The following DUOX2 variants were observed in gnomAD, a reference collection of about 807,000 sequenced individuals.
DUOX2 encodes dual oxidase 2, also known as NADH/NADPH thyroid oxidase p138-tox.
DUOX2 carries 185 observed loss-of-function variants against 183.3 expected under a neutral mutation model. The observed-to-expected ratio is 1.01, with a 90% CI of 0.90 to 1.14. The LOEUF is 1.14. Among genes scored for constraint, DUOX2 ranks in the 50% most tolerant of loss-of-function variants. DUOX2 has a pLI of 0.00. For missense variants in DUOX2, 1,999 were observed against 2,022.9 expected, an observed-to-expected ratio of 0.99 and a Z score of 0.23; for synonymous variants, 788 against 812.4, an observed-to-expected ratio of 0.97 and a Z score of 0.51.
intron 27 of DUOX2, 118 bp from the exon 28 acceptor site, chr15:45,097,859 G>A: frequency 6.3e-7 from 1 of 1,579,974 alleles, no homozygotes; most frequent in Non-Finnish European, 8.7e-7. Flanking sequence ...GGGGCCCCCA[G>A]AAAAGCCTGC....
At chr15:45,096,341 AC>A (rs1314912850) in intron 29 of DUOX2, among the ~76,000 whole-genome samples, 1 of 151,826 alleles carries the variant, frequency 6.6e-6, no homozygotes, top group East Asian at 1.9e-4. Flanking sequence ...TTGAATACCA[AC>A]CTGCTGGGTA....
rs140807172 is a variant in DUOX2, at chr15:45,100,087, C to A, written c.3147G>T (p.Ser1049=). 27 of 1,614,094 alleles carry A rather than the reference C, an allele frequency of 1.7e-5. No homozygotes were observed. The highest frequency in any genetic ancestry group is 2.1e-5 in the Non-Finnish European group (25 of 1,180,046). Residue 1049 remains serine, a synonymous_variant, in exon 24 of 34, where the codon TCG becomes TCT. Transcript: ENST00000389039. Reference sequence around the variant, plus strand: ...CTGCAAACACGCCAACACAGATGGCCGAGAAGATTGCCACACACACGATGT... The same window carrying A: ...CTGCAAACACGCCAACACAGATGGCAGAGAAGATTGCCACACACACGATGT... The part of the protein sequence containing the change: ...RRHIVCVAIF[S]AICVGVFADR...
chr15:45,110,910 T>C (rs570520148), intron 7 of DUOX2, among the ~76,000 whole-genome samples, 200 bp from the exon 8 acceptor site: 1 of 150,010 alleles, frequency 6.7e-6, no homozygotes, highest in Non-Finnish European at 1.5e-5. Flanking sequence ...GGGGAGGTGA[T>C]AAATAATCAT....
intron 11 of DUOX2, 120 bp downstream of exon 11, chr15:45,109,404 G>A: frequency 1.2e-6 from 1 of 822,420 alleles, no homozygotes; most frequent in Non-Finnish European, 2.1e-6. Context: ...GCTCCTTGAA[G>A]TCTGTGTTTG....
chr15:45,110,017 G>A (rs1169505810), intron 9 of DUOX2, 37 bp from the exon 10 acceptor site: 1 of 1,599,502 alleles, frequency 6.3e-7, no homozygotes, highest in African/African-American at 1.3e-5. Flanking sequence ...GAGGGAATTT[G>A]GAGAAGAATC....
Position 45,094,278 on chromosome 15 carries a change from A to G in DUOX2, c.4525-6T>C, listed in dbSNP as rs879229122. Reference sequence around the variant, plus strand: ...AACACCCCGATCTTGCGCACCTGTCAGGAGATTGGAGAGAGAGAGGGGCCT... The same window carrying G: ...AACACCCCGATCTTGCGCACCTGTCGGGAGATTGGAGAGAGAGAGGGGCCT... On this transcript the variant is annotated splice_region_variant and splice_polypyrimidine_tract_variant and intron_variant, in intron 33 of 33. Coordinates refer to ENST00000389039, the MANE Select transcript of DUOX2 (RefSeq NM_001363711.2). The G allele has an allele frequency of 6.2e-7, 1 of 1,613,986 alleles. No homozygotes were observed. Among genetic ancestry groups the G allele is most frequent in the Non-Finnish European group, 8.5e-7 (1 of 1,180,010 alleles).
chr15:45,095,717 T>C, intron 30 of DUOX2, 111 bp downstream of exon 30: 1 of 1,545,144 alleles, frequency 6.5e-7, no homozygotes, highest in Non-Finnish European at 8.9e-7. Flanking sequence ...ACCCCGGTCC[T>C]CTCCCAGGCT....
intron 12 of DUOX2, 179 bp from the exon 13 acceptor site, chr15:45,108,401 C>T (rs1049937476): frequency 1.8e-5 from 13 of 740,508 alleles, no homozygotes; most frequent in East Asian, 2.7e-5. Flanking sequence ...CAGTGTGTCC[C>T]TACCCACGGT....
Position 45,110,657 on chromosome 15 carries a change from C to G in DUOX2, c.936G>C (p.Glu312Asp), listed in dbSNP as rs1337550157. Residue 312 changes from glutamate (E) to aspartate (D), a missense_variant, in exon 8 of 34, where the codon GAG (glutamate) becomes GAC (aspartate). This residue lies in a region of DUOX2 where 1,628 missense variants were observed against 1,608.6 expected (regional missense o/e 1.01). Coordinates refer to ENST00000389039, the MANE Select transcript of DUOX2 (RefSeq NM_001363711.2). ...LPSFLQKTLP[E>D]YTGYRPFLDP... The stretch of plus-strand genomic sequence containing the variant: ...CCTTCCCCGCTCCCTCACCTGTATA[C>G]TCCGGGAGTGTTTTCTGCAGGAAGC... The G allele has an allele frequency of 1.2e-6, 2 of 1,612,884 alleles. No individual in the cohort carries two copies. Among genetic ancestry groups the G allele is most frequent in the East Asian group, 2.2e-5 (1 of 44,880 alleles).
Position 45,113,030 on chromosome 15 carries a change from G to T in DUOX2, c.117C>A (p.Asp39Glu), listed in dbSNP as rs776785213. The change falls in exon 3 of 34, where the codon GAC (aspartate) becomes GAA (glutamate). Residue 39 changes from aspartate to glutamate, a missense_variant. Transcript: ENST00000389039. ...GGTGCCTCAGGTTGTTAAACCAGCCGTCATAGCGCTGCACTTCCCAGGGCA... is the reference window on the plus strand; with the variant it reads ...GGTGCCTCAGGTTGTTAAACCAGCCTTCATAGCGCTGCACTTCCCAGGGCA... The part of the protein sequence containing the change: ...LSLPWEVQRY[D>E]GWFNNLRHHE... 5 of 1,614,000 alleles carry T rather than the reference G, an allele frequency of 3.1e-6. No individual in the cohort carries two copies. The South Asian group carries it at 4.4e-5, about 14-fold the overall frequency.
At chr15:45,103,029 T>G (rs1006575311) in intron 20 of DUOX2, among the ~76,000 whole-genome samples, 1 of 152,126 alleles carries the variant, frequency 6.6e-6, no homozygotes, top group Non-Finnish European at 1.5e-5. Context: ...ACTCAGCCCT[T>G]GGAGGCAGGG....
intron 26 of DUOX2, 110 bp from the exon 27 acceptor site, chr15:45,098,168 G>T: frequency 9.4e-7 from 1 of 1,064,566 alleles, no homozygotes; most frequent in Non-Finnish European, 1.4e-6. Flanking sequence ...AGGGTATGGG[G>T]CCTCCACCCA....
chr15:45,107,411 C>G lies in DUOX2; in HGVS notation c.1627G>C (p.Val543Leu). 1 of 1,614,222 alleles carries G rather than the reference C, an allele frequency of 6.2e-7. No individual in the cohort carries two copies. The highest frequency in any genetic ancestry group is 8.5e-7 in the Non-Finnish European group (1 of 1,180,048). The change falls in exon 14 of 34, where the codon GTG (valine) becomes CTG (leucine). Residue 543 changes from valine to leucine, a missense_variant. Transcript: ENST00000389039. ...EDIRNTTLRD[V>L]LVAVINIDPS... ...TCAATGTTGATAACAGCGACCAGCA[C>G]GTCCCGCAGGGTGGTATTTCGGATG... is the stretch of plus-strand genomic sequence containing the variant.
In DUOX2 at chr15:45,114,031, C is replaced by T. The variant is rs1410242119; in HGVS notation, c.-73G>A. 5.1e-6 allele frequency: 1 copy of T among 197,378 alleles called. No homozygotes were observed. Among genetic ancestry groups the T allele is most frequent in the East Asian group, 1.2e-4 (1 of 8,184 alleles). The allele number at this position is 197,378 out of a possible 1,614,324, so 12.2% of individuals were successfully genotyped here. A position where few individuals can be genotyped will look rare whatever the true frequency, so the allele number is the denominator to read the frequency against. ...TTCTTTCCTCTTAAAATCTTTGCTT[C>T]TGTGCTCTACTTCTTGCCTTCACCC... On this transcript the variant is annotated 5_prime_UTR_variant, in exon 1 of 34. Coordinates refer to ENST00000389039, the MANE Select transcript of DUOX2 (RefSeq NM_001363711.2).
At chr15:45,110,605 C>T (rs768811200) in intron 8 of DUOX2, 45 bp downstream of exon 8, 1 of 1,613,742 alleles carries the variant, frequency 6.2e-7, no homozygotes, top group South Asian at 1.1e-5. Context: ...GTCTCCTTCC[C>T]CTCAGGATTC....
rs771547142 is a variant in DUOX2 at position 45,100,256 on chromosome 15, T to A, written c.3006-28A>T. 11 of 1,607,360 alleles carry A rather than the reference T, an allele frequency of 6.8e-6. No homozygotes were observed. In the Admixed American group the frequency reaches 1.8e-4, roughly 27 times the overall value. Reference sequence around the variant, plus strand: ...ATAGCAAGGGGAGGCAGGGCAGCAGTGTGGTAAGGGCCCTCTGGCCTTCCC... The same window carrying A: ...ATAGCAAGGGGAGGCAGGGCAGCAGAGTGGTAAGGGCCCTCTGGCCTTCCC... On this transcript the variant is annotated intron_variant, in intron 23 of 33. Transcript: ENST00000389039.
In DUOX2 at chr15:45,099,813, G is replaced by T; in HGVS notation, c.3264C>A (p.Ala1088=). 1 of 1,614,214 alleles carries T rather than the reference G, an allele frequency of 6.2e-7. No homozygotes were observed. Among genetic ancestry groups the T allele is most frequent in the Non-Finnish European group, 8.5e-7 (1 of 1,180,050 alleles). ...VGIILSRGTA[A]SVSFMFSYIL... Reference sequence around the variant, plus strand: ...TATAAGAGAACATGAAGGAGACGCTGGCCGCCGTGCCTCGTGACAGGATGA... The same window carrying T: ...TATAAGAGAACATGAAGGAGACGCTTGCCGCCGTGCCTCGTGACAGGATGA... The change falls in exon 25 of 34, where the codon GCC becomes GCA. Residue 1088 remains alanine, a synonymous_variant. Transcript: ENST00000389039.
At chr15:45,105,562 C>T (rs1053067179) in intron 18 of DUOX2, 81 bp downstream of exon 18, 2 of 1,563,482 alleles carry the variant, frequency 1.3e-6, no homozygotes, top group Admixed American at 3.3e-5. Context: ...GCTTAGTTCA[C>T]CCACAGGGGC....
chr15:45,105,581 C>T lies in DUOX2; in HGVS notation c.2334+62G>A, dbSNP rs1405478448. On this transcript the variant is annotated intron_variant, in intron 18 of 33. Coordinates refer to ENST00000389039, the MANE Select transcript of DUOX2 (RefSeq NM_001363711.2). ...AGTTCACCCACAGGGGCGTTCTATG[C>T]AGCCCAGGTTTCCTCCATTTCTGGG... The T allele has an allele frequency of 3.7e-6, 6 of 1,603,048 alleles. No homozygotes were observed. The Admixed American group carries it at 8.3e-5, about 22-fold the overall frequency.
Sources: allele counts gnomAD v4.1 joint callset (sites outside exome capture counted in the v4.1 genomes callset), GRCh38; gene constraint gnomAD v4.1.1; regional missense constraint gnomAD v4.1.1; transcripts MANE v1.5; gene names NCBI Gene and HGNC (gene_info 2026-07-23, HGNC 2026-07-21).